Variants in KIFAP3 observed in about 807,000 individuals in gnomAD.
The protein encoded by KIFAP3 is kinesin-associated protein 3.
KIFAP3 carries 68 observed loss-of-function variants against 106.5 expected under a neutral mutation model. That is an observed-to-expected ratio of 0.64 (90% confidence interval 0.53 to 0.78). The LOEUF (loss-of-function observed/expected upper bound fraction) is 0.78, where lower values mean the gene tolerates loss of function less well. KIFAP3 is among the 30% of genes least tolerant of loss of function. KIFAP3 has a pLI of 0.00. For missense variants in KIFAP3, 780 were observed against 941.8 expected, an observed-to-expected ratio of 0.83 and a Z score of 2.25; for synonymous variants, 320 against 311.5, an observed-to-expected ratio of 1.03 and a Z score of -0.29.
chr1:170,057,403 G>A (rs1670906439), intron 1 of KIFAP3, among the ~76,000 whole-genome samples: 1 of 151,890 alleles, frequency 6.6e-6, no homozygotes, highest in Admixed American at 6.6e-5. Flanking sequence ...GTGTTTTAGA[G>A]GAGTAAGTTA....
chr1:170,074,856 G>T, upstream of KIFAP3: 2 of 646,512 alleles, frequency 3.1e-6, no homozygotes, highest in South Asian at 4.4e-5. Flanking sequence ...CGTAGTCACC[G>T]CCCCCTTGAG....
intron 15 of KIFAP3, among the ~76,000 whole-genome samples, chr1:169,981,667 T>C (rs920426470): frequency 6.6e-6 from 1 of 152,198 alleles, no homozygotes; most frequent in African/African-American, 2.4e-5. Context: ...TGGAATGTAT[T>C]CCCCTTGATT....
intron 1 of KIFAP3, among the ~76,000 whole-genome samples, chr1:170,060,655 A>C (rs907456506): frequency 6.6e-6 from 1 of 152,192 alleles, no homozygotes; most frequent in Admixed American, 6.5e-5. Context: ...AATTGGAAAA[A>C]ATTACTTTAA....
intron 1 of KIFAP3, among the ~76,000 whole-genome samples, chr1:170,082,476 C>A (rs545642705): frequency 1.3e-5 from 2 of 152,276 alleles, no homozygotes; most frequent in Non-Finnish European, 2.9e-5. Flanking sequence ...GGGTAATGGT[C>A]ACCCATGTGA....
chr1:169,974,372 C>A (rs946215143), intron 16 of KIFAP3, among the ~76,000 whole-genome samples: 1 of 151,878 alleles, frequency 6.6e-6, no homozygotes, highest in Admixed American at 6.6e-5. Flanking sequence ...ACTGATTACA[C>A]CCAAAAAATT....
At chr1:170,058,550 G>A (rs1208584283) in intron 1 of KIFAP3, among the ~76,000 whole-genome samples, 1 of 152,056 alleles carries the variant, frequency 6.6e-6, no homozygotes, top group African/African-American at 2.4e-5. Context: ...TGCTTAATGG[G>A]GAACTCTATT....
chr1:169,962,504 C>T (rs1665392782), intron 17 of KIFAP3, among the ~76,000 whole-genome samples: 2 of 152,048 alleles, frequency 1.3e-5, no homozygotes, highest in South Asian at 4.1e-4. Flanking sequence ...TTTTAAATTC[C>T]TCTGTCATAT....
chr1:170,045,660 G>T (rs977177033), intron 3 of KIFAP3, among the ~76,000 whole-genome samples: 5 of 152,052 alleles, frequency 3.3e-5, no homozygotes, highest in African/African-American at 1.2e-4. Flanking sequence ...TTACTTTTGA[G>T]TTTTTATTGT....
At chr1:169,944,497 C>T (rs918044786) in intron 19 of KIFAP3, among the ~76,000 whole-genome samples, 15 of 152,266 alleles carry the variant, frequency 9.9e-5, no homozygotes, top group African/African-American at 2.2e-4. Context: ...CCCTCCTTCT[C>T]GTTTCCCACA....
intron 10 of KIFAP3, among the ~76,000 whole-genome samples, chr1:170,011,550 T>C (rs940229737): frequency 2.6e-5 from 4 of 151,870 alleles, no homozygotes; most frequent in Non-Finnish European, 4.4e-5. Context: ...TATACATGTA[T>C]ATAAACATAT....
intron 9 of KIFAP3, 77 bp downstream of exon 9, chr1:170,024,341 T>C: frequency 1.2e-6 from 1 of 847,026 alleles, no homozygotes; most frequent in Non-Finnish European, 1.8e-6. Context: ...GGGAATAAAG[T>C]GTTTAATTTT....
chr1:170,007,274 AGAG>A (rs1218912303), intron 10 of KIFAP3, among the ~76,000 whole-genome samples: 1 of 151,776 alleles, frequency 6.6e-6, no homozygotes, highest in African/African-American at 2.4e-5. Context: ...GGGGACAGAA[AGAG>A]GAGAGAATAG....
chr1:170,073,674 A>G (rs1024641839), intron 1 of KIFAP3, among the ~76,000 whole-genome samples: 1 of 151,906 alleles, frequency 6.6e-6, no homozygotes, highest in African/African-American at 2.4e-5. Context: ...TTTCTATTGG[A>G]TCACTGCTTA....
chr1:170,003,813 CCT>C (rs1171728176), intron 10 of KIFAP3, among the ~76,000 whole-genome samples: 1 of 151,306 alleles, frequency 6.6e-6, no homozygotes, highest in Non-Finnish European at 1.5e-5. Flanking sequence ...ACAGGGATGC[CCT>C]CTCTTACCAC....
At chr1:169,949,811 A>G (rs1316853919) in intron 19 of KIFAP3, among the ~76,000 whole-genome samples, 1 of 152,104 alleles carries the variant, frequency 6.6e-6, no homozygotes. Flanking sequence ...CATTAGCTCT[A>G]AATGTTGGGA....
chr1:170,030,485 AAG>A (rs1669343612), intron 8 of KIFAP3, among the ~76,000 whole-genome samples: 1 of 151,918 alleles, frequency 6.6e-6, no homozygotes, highest in Admixed American at 6.6e-5. Flanking sequence ...GTATTTAACT[AAG>A]AGAAAAGAAA....
At chr1:169,973,900 G>C (rs1666078613) in intron 16 of KIFAP3, among the ~76,000 whole-genome samples, 1 of 151,710 alleles carries the variant, frequency 6.6e-6, no homozygotes, top group Non-Finnish European at 1.5e-5. Context: ...AAGGAAATTG[G>C]TCAACATACT....
chr1:170,070,623 G>T (rs1193298940), intron 1 of KIFAP3, among the ~76,000 whole-genome samples: 1 of 151,968 alleles, frequency 6.6e-6, no homozygotes, highest in Non-Finnish European at 1.5e-5. Context: ...ACATATAAAA[G>T]AATGAAGATG....
intron 1 of KIFAP3, among the ~76,000 whole-genome samples, chr1:170,059,821 A>C (rs528305734): frequency 2.0e-5 from 3 of 152,346 alleles, no homozygotes; most frequent in African/African-American, 7.2e-5. Context: ...ATCCACCATG[A>C]TCAAGTGGGC....
Sources: gnomAD v4.1 joint callset for allele counts (sites outside exome capture counted in the v4.1 genomes callset) on GRCh38, gnomAD v4.1.1 for gene constraint, MANE v1.5 for transcripts, NCBI Gene and HGNC (gene_info 2026-07-23, HGNC 2026-07-21) for gene names.